The following CDH13 variants were observed in gnomAD, a reference collection of about 807,000 sequenced individuals.
CDH13 encodes the protein cadherin-13.
CDH13 carries 24 observed loss-of-function variants against 63.8 expected under a neutral mutation model. That is an observed-to-expected ratio of 0.38 (90% CI 0.27 to 0.53). The LOEUF is 0.53. Ranked by LOEUF, CDH13 falls within the 20% of genes least tolerant of loss-of-function variation. The pLI, the probability that CDH13 is intolerant of heterozygous loss-of-function variation, is 0.85. For missense variants in CDH13, 1,049 were observed against 903.1 expected (o/e 1.16, Z -2.07); for synonymous variants, 503 against 355.3 (o/e 1.42, Z -4.67).
chr16:83,333,876 A>G (rs1166187825), intron 5 of CDH13, among the ~76,000 whole-genome samples: 1 of 152,186 alleles, frequency 6.6e-6, no homozygotes. Context: ...TTATGTGGCC[A>G]CTGTATTAAT....
intron 1 of CDH13, among the ~76,000 whole-genome samples, chr16:82,636,433 G>A (rs939183459): frequency 7.9e-5 from 12 of 152,148 alleles, no homozygotes; most frequent in African/African-American, 2.4e-4. Flanking sequence ...TAAAGTGACC[G>A]ACGTGCAGCC....
chr16:83,390,222 C>G (rs17285278), intron 6 of CDH13, among the ~76,000 whole-genome samples: 16,506 of 152,188 alleles, frequency 0.11, 1,172 homozygotes, highest in Non-Finnish European at 0.16. Context: ...GCTTTGAATG[C>G]ATACATTATG....
At chr16:83,627,615 A>G (rs911243989) in intron 8 of CDH13, among the ~76,000 whole-genome samples, 1 of 151,916 alleles carries the variant, frequency 6.6e-6, no homozygotes, top group Non-Finnish European at 1.5e-5. Context: ...CAGTGGTGCA[A>G]TCTCAACTCA....
chr16:83,515,349 G>A (rs2074676352), intron 7 of CDH13, among the ~76,000 whole-genome samples: 1 of 152,188 alleles, frequency 6.6e-6, no homozygotes, highest in South Asian at 2.1e-4. Context: ...TCTCTCTGCA[G>A]TAACTTTGAA....
At chr16:83,077,056 C>T (rs190751996) in intron 3 of CDH13, among the ~76,000 whole-genome samples, 4 of 151,876 alleles carry the variant, frequency 2.6e-5, no homozygotes, top group Admixed American at 2.6e-4. Flanking sequence ...CCATCATAGA[C>T]TTGTTTCAAG....
rs574603479 is a variant in CDH13, at chr16:83,231,949, A to G, written c.636+14452A>G. 3.9e-5 allele frequency among the ~76,000 whole-genome samples: 6 copies of G among 152,272 alleles called. No homozygotes were observed. The East Asian group carries it at 7.7e-4, about 20-fold the overall frequency. Reference sequence around the variant, plus strand: ...TTCACATGAGATCAGGATGTTTATAAAAGAATGTGACACAGAAACAGAAAA... The same window carrying G: ...TTCACATGAGATCAGGATGTTTATAGAAGAATGTGACACAGAAACAGAAAA... On this transcript the variant is annotated intron_variant, in intron 5 of 13. Transcript: ENST00000567109.
At chr16:83,749,663 A>G (rs1311409359) in intron 11 of CDH13, among the ~76,000 whole-genome samples, 2 of 152,170 alleles carry the variant, frequency 1.3e-5, no homozygotes, top group African/African-American at 4.8e-5. Flanking sequence ...AGCAACTGAG[A>G]GCTGGACCAG....
intron 2 of CDH13, among the ~76,000 whole-genome samples, chr16:83,026,151 C>T (rs1597166215): frequency 6.6e-6 from 1 of 152,190 alleles, no homozygotes; most frequent in Non-Finnish European, 1.5e-5. Flanking sequence ...CCTGAAACTG[C>T]AGTTGTTCTC....
chr16:82,642,536 T>G (rs988746830), intron 1 of CDH13, among the ~76,000 whole-genome samples: 3 of 152,230 alleles, frequency 2.0e-5, no homozygotes, highest in African/African-American at 7.2e-5. Context: ...TAGTTAAATG[T>G]GCATATGATG....
At chr16:83,749,187 C>A (rs4782555) in intron 11 of CDH13, among the ~76,000 whole-genome samples, 2 of 152,146 alleles carry the variant, frequency 1.3e-5, no homozygotes, top group Non-Finnish European at 2.9e-5. Flanking sequence ...TTGAGTCCTT[C>A]CATATCAAGA....
chr16:83,724,339 A>G (rs1207967769), intron 10 of CDH13, among the ~76,000 whole-genome samples: 5 of 150,252 alleles, frequency 3.3e-5, no homozygotes, highest in African/African-American at 7.4e-5. Context: ...TGTGGAATGC[A>G]TGGCTGAGTG....
intron 5 of CDH13, among the ~76,000 whole-genome samples, chr16:83,245,833 C>A (rs546501232): frequency 1.1e-3 from 173 of 152,200 alleles, no homozygotes; most frequent in African/African-American, 4.0e-3. Context: ...GCCAAGACCT[C>A]CCTGGCTCAA....
chr16:83,622,375 TGA>T (rs1235758166), intron 8 of CDH13, among the ~76,000 whole-genome samples: 1 of 152,086 alleles, frequency 6.6e-6, no homozygotes, highest in Non-Finnish European at 1.5e-5. Context: ...GATTCCGAAA[TGA>T]GAGAAATCAG....
intron 10 of CDH13, among the ~76,000 whole-genome samples, chr16:83,743,319 T>C (rs539352943): frequency 6.6e-6 from 1 of 152,018 alleles, no homozygotes; most frequent in Admixed American, 6.5e-5. Flanking sequence ...GGAAAAAGAG[T>C]GAGACATTGT....
At chr16:83,037,240 A>G (rs537253276) in intron 3 of CDH13, among the ~76,000 whole-genome samples, 14 of 152,220 alleles carry the variant, frequency 9.2e-5, no homozygotes, top group Non-Finnish European at 1.9e-4. Flanking sequence ...AATTCTCACA[A>G]CCTCCCTGTG....
At chr16:83,420,574 G>A (rs1282302631) in intron 6 of CDH13, among the ~76,000 whole-genome samples, 1 of 152,170 alleles carries the variant, frequency 6.6e-6, no homozygotes, top group African/African-American at 2.4e-5. Context: ...TAAATTACCA[G>A]TGGTACCATT....
At chr16:83,693,796 C>T (rs1905118089) in intron 10 of CDH13, among the ~76,000 whole-genome samples, 1 of 152,182 alleles carries the variant, frequency 6.6e-6, no homozygotes, top group African/African-American at 2.4e-5. Flanking sequence ...AAAACTGTTC[C>T]TAGTTTGGGC....
chr16:83,217,503 T>C lies in CDH13; in HGVS notation c.636+6T>C. 2 of 1,612,294 alleles carry C rather than the reference T, an allele frequency of 1.2e-6. No individual in the cohort carries two copies. Among genetic ancestry groups the C allele is most frequent in the Non-Finnish European group, 1.7e-6 (2 of 1,178,638 alleles). On this transcript the variant is annotated splice_donor_region_variant and intron_variant, in intron 5 of 13. Transcript: ENST00000567109. ...AAGTAATCGCTGTTTATCAAGTGAGTACCCCTCTCCCATGCCCACCCTGTG... is the reference window on the plus strand; with the variant it reads ...AAGTAATCGCTGTTTATCAAGTGAGCACCCCTCTCCCATGCCCACCCTGTG...
At chr16:83,585,780 G>A (rs572405998) in intron 7 of CDH13, among the ~76,000 whole-genome samples, 4 of 148,526 alleles carry the variant, frequency 2.7e-5, no homozygotes, top group South Asian at 4.2e-4. Flanking sequence ...TACAGGGCTC[G>A]TGGAAAGAGC....
Sources: allele counts gnomAD v4.1 joint callset (sites outside exome capture counted in the v4.1 genomes callset), GRCh38; gene constraint gnomAD v4.1.1; transcripts MANE v1.5; gene names NCBI Gene and HGNC (gene_info 2026-07-23, HGNC 2026-07-21).